The following FGD6 variants were observed in gnomAD, a reference collection of about 807,000 sequenced individuals.
The protein encoded by FGD6 is FYVE, RhoGEF and PH domain-containing protein 6.
FGD6 carries 90 observed loss-of-function variants against 149.4 expected under a neutral mutation model. The observed-to-expected ratio is 0.60, with a 90% CI of 0.51 to 0.72. The LOEUF is 0.72. Ranked by LOEUF, FGD6 falls within the 30% of genes least tolerant of loss-of-function variation. The pLI is 0.00. For synonymous variants in FGD6, 527 were observed against 584.0 expected (o/e 0.90, Z 1.41); for missense variants, 1,437 against 1,684.8 (o/e 0.85, Z 2.57).
At chr12:95,177,184 A>G (rs940457092) in intron 2 of FGD6, among the ~76,000 whole-genome samples, 2 of 152,210 alleles carry the variant, frequency 1.3e-5, no homozygotes, top group South Asian at 4.1e-4. Context: ...TTAGGAACAG[A>G]AAACCTGTAC....
chr12:95,146,235 C>T (rs1325647094), intron 5 of FGD6, among the ~76,000 whole-genome samples: 1 of 152,140 alleles, frequency 6.6e-6, no homozygotes, highest in Non-Finnish European at 1.5e-5. Context: ...CGAACCTCAG[C>T]CATTGTCAAA....
chr12:95,183,888 G>C (rs1039563816), intron 2 of FGD6, among the ~76,000 whole-genome samples: 1 of 152,040 alleles, frequency 6.6e-6, no homozygotes, highest in African/African-American at 2.4e-5. Flanking sequence ...CCATTGTCTG[G>C]GATCGCGAGG....
chr12:95,211,829 C>T (rs911419322), intron 1 of FGD6, among the ~76,000 whole-genome samples: 8 of 152,160 alleles, frequency 5.3e-5, no homozygotes, highest in Admixed American at 2.0e-4. Context: ...TGAGCCACCG[C>T]GCCCAGCCCA....
rs940049094 is a variant in FGD6, at chr12:95,209,253, C to G, written c.2031G>C (p.Leu677Phe). 1 of 1,614,152 alleles carries G rather than the reference C, an allele frequency of 6.2e-7. No homozygotes were observed. The highest frequency in any genetic ancestry group is 2.2e-5 in the East Asian group (1 of 44,888). The stretch of plus-strand genomic sequence containing the variant: ...TACTTCTCTTCTCCTCTCCTACCAA[C>G]AAGCCTTGCCAATCACTTTCAATCC... Reference protein sequence around the residue: ...QKGIESDWQGLLVGEEKRSKP... With the variant: ...QKGIESDWQGFLVGEEKRSKP... The change falls in exon 2 of 21, where the codon TTG becomes TTC. Residue 677 changes from leucine (L) to phenylalanine (F), a missense_variant. Leu to Phe is a conservative substitution (Grantham distance 22). Around this residue, in one of 2 missense-constraint regions of FGD6, gnomAD observed 1,055 missense variants for 1,146.0 expected, o/e 0.92. Coordinates refer to ENST00000343958, the MANE Select transcript of FGD6 (RefSeq NM_018351.4).
chr12:95,165,482 C>T (rs562903594), intron 3 of FGD6, among the ~76,000 whole-genome samples: 10 of 147,530 alleles, frequency 6.8e-5, no homozygotes, highest in African/African-American at 2.5e-4. Flanking sequence ...TACAGGCATG[C>T]ACCACCACGC....
At chr12:95,199,177 C>G (rs1881802399) in intron 2 of FGD6, among the ~76,000 whole-genome samples, 1 of 152,158 alleles carries the variant, frequency 6.6e-6, no homozygotes, top group Non-Finnish European at 1.5e-5. Context: ...CAGGCTGGAG[C>G]TCTGGTTTTG....
intron 2 of FGD6, among the ~76,000 whole-genome samples, chr12:95,192,439 T>C (rs1474142906): frequency 6.6e-6 from 1 of 152,198 alleles, no homozygotes; most frequent in Non-Finnish European, 1.5e-5. Context: ...TGCCAGGCAA[T>C]ATGCTAGAGA....
chr12:95,163,630 T>C (rs1391999524), intron 3 of FGD6, among the ~76,000 whole-genome samples: 2 of 152,210 alleles, frequency 1.3e-5, no homozygotes, highest in Non-Finnish European at 2.9e-5. Flanking sequence ...GCATATTGCT[T>C]TTGAAGATGT....
intron 5 of FGD6, among the ~76,000 whole-genome samples, chr12:95,148,572 A>AGC (rs1491129659): frequency 7.4e-5 from 10 of 135,404 alleles, no homozygotes; most frequent in South Asian, 2.2e-4. Context: ...TATATTATAT[A>AGC]ATACATAGCA....
intron 2 of FGD6, among the ~76,000 whole-genome samples, chr12:95,183,867 C>G (rs150588375): frequency 1.3e-5 from 2 of 151,996 alleles, no homozygotes; most frequent in African/African-American, 4.8e-5. Flanking sequence ...AAACAACCTC[C>G]AAAAAAGGTG....
At chr12:95,122,296 C>A (rs1017988218) in intron 8 of FGD6, among the ~76,000 whole-genome samples, 15 of 152,086 alleles carry the variant, frequency 9.9e-5, no homozygotes, top group Non-Finnish European at 2.1e-4. Context: ...AAACTGTGGC[C>A]TTCCTGAGGA....
chr12:95,124,175 G>A (rs1466148743), intron 8 of FGD6, among the ~76,000 whole-genome samples: 2 of 151,928 alleles, frequency 1.3e-5, no homozygotes, highest in Non-Finnish European at 2.9e-5. Flanking sequence ...GCCTCCCAAA[G>A]AGCTGGGATT....
At chr12:95,132,140 A>G (rs1264377018) in intron 8 of FGD6, among the ~76,000 whole-genome samples, 1 of 152,318 alleles carries the variant, frequency 6.6e-6, no homozygotes, top group East Asian at 1.9e-4. Flanking sequence ...TGTTGGTATT[A>G]TAAAACAAAA....
rs752769699 is a variant in FGD6 at position 95,134,764 on chromosome 12, G to A, written c.3057C>T (p.Ile1019=). The change falls in exon 8 of 21, where the codon ATC becomes ATT. Residue 1019 remains isoleucine (I), a synonymous_variant. Coordinates refer to ENST00000343958, the MANE Select transcript of FGD6 (RefSeq NM_018351.4). ...KHYLLKPVQR[I]PQYRLLLTDY... ...CTGTCAGCAACAGCCTGTACTGGGGGATCCTCTGAACCGGCTTGAGCAGGT... is the reference window on the plus strand; with the variant it reads ...CTGTCAGCAACAGCCTGTACTGGGGAATCCTCTGAACCGGCTTGAGCAGGT... 2 of 1,613,900 alleles carry A rather than the reference G, an allele frequency of 1.2e-6. No homozygotes were observed. Among genetic ancestry groups the A allele is most frequent in the South Asian group, 1.1e-5 (1 of 91,014 alleles).
chr12:95,161,440 G>A (rs1187749291), intron 3 of FGD6, among the ~76,000 whole-genome samples: 1 of 150,458 alleles, frequency 6.6e-6, no homozygotes, highest in East Asian at 2.0e-4. Context: ...AGGTTGCAGT[G>A]AGCCGAGATC....
chr12:95,091,728 A>G lies in FGD6; in HGVS notation c.3829T>C (p.Phe1277Leu). The G allele has an allele frequency of 6.2e-7, 1 of 1,613,058 alleles. No individual in the cohort carries two copies. Among genetic ancestry groups the G allele is most frequent in the Non-Finnish European group, 8.5e-7 (1 of 1,179,726 alleles). ...NQPARVCEHC[F>L]QELQKLDHQH... Reference sequence around the variant, plus strand: ...TTACCTAATTTCTGCAGTTCTTGGAAACAATGTTCACATACTCTTGCTGGT... The same window carrying G: ...TTACCTAATTTCTGCAGTTCTTGGAGACAATGTTCACATACTCTTGCTGGT... Residue 1277 changes from phenylalanine to leucine, a missense_variant, in exon 17 of 21, where the codon TTC (phenylalanine) becomes CTC (leucine). Transcript: ENST00000343958.
chr12:95,210,935 T>C lies in FGD6; in HGVS notation c.349A>G (p.Ile117Val). The stretch of plus-strand genomic sequence containing the variant: ...TTCTCTCTATGGCCCAGCTTATGGA[T>C]ACACTCAGAACTGCAGGAACACATT... ...SPMCSCSSEC[I>V]HKLGHRENLC... The change falls in exon 2 of 21, where the codon ATC becomes GTC. Residue 117 changes from isoleucine (I) to valine (V), a missense_variant. Ile to Val is a conservative substitution (Grantham distance 29). Around this residue, in one of 2 missense-constraint regions of FGD6, gnomAD observed 1,055 missense variants for 1,146.0 expected, o/e 0.92. Coordinates refer to ENST00000343958, the MANE Select transcript of FGD6 (RefSeq NM_018351.4). 1 of 1,614,216 alleles carries C rather than the reference T, an allele frequency of 6.2e-7. No homozygotes were observed. The highest frequency in any genetic ancestry group is 8.5e-7 in the Non-Finnish European group (1 of 1,180,048).
At chr12:95,105,837 G>A (rs534483025) in intron 13 of FGD6, among the ~76,000 whole-genome samples, 134 of 152,084 alleles carry the variant, frequency 8.8e-4, no homozygotes, top group African/African-American at 3.0e-3. Flanking sequence ...CAGCCTGGCC[G>A]ACATAGTGAA....
chr12:95,195,980 G>A (rs1427577229), intron 2 of FGD6, among the ~76,000 whole-genome samples: 1 of 151,798 alleles, frequency 6.6e-6, no homozygotes, highest in African/African-American at 2.4e-5. Context: ...AAATTAGGCA[G>A]GTGTGGTGGC....
Sources: allele counts gnomAD v4.1 joint callset (sites outside exome capture counted in the v4.1 genomes callset), GRCh38; gene constraint gnomAD v4.1.1; regional missense constraint gnomAD v4.1.1; transcripts MANE v1.5; gene names NCBI Gene and HGNC (gene_info 2026-07-23, HGNC 2026-07-21).